Variants in SAXO1 observed in about 807,000 individuals in gnomAD.
The protein encoded by SAXO1 is stabilizer of axonemal microtubules 1.
A neutral mutation model predicts 17.5 loss-of-function variants in SAXO1; 21 were observed. That is an observed-to-expected ratio of 1.20 (90% CI 0.85 to 1.72). The LOEUF is 1.72. SAXO1 is among the 40% of genes most tolerant of loss of function. The pLI is 0.00. For missense variants in SAXO1, 843 were observed against 596.0 expected (o/e 1.41, Z -4.32); for synonymous variants, 274 against 216.5 (o/e 1.27, Z -2.33).
chr9:19,013,282 C>T (rs1294939280), intron 1 of SAXO1, among the ~76,000 whole-genome samples: 1 of 152,214 alleles, frequency 6.6e-6, no homozygotes. Flanking sequence ...TAAAGATCTT[C>T]ACCACTGCGG....
At position 18,988,567 on chromosome 9, in the gene SAXO1, T is replaced by G. The variant is rs1029922327; in HGVS notation, c.39-37630A>C. Among the ~76,000 whole-genome samples the G allele has an allele frequency of 4.6e-5, 7 of 152,236 alleles. 1 individual carries two copies. Among genetic ancestry groups the G allele is most frequent in the Non-Finnish European group, 2.9e-5 (2 of 68,042 alleles). On this transcript the variant is annotated intron_variant, in intron 1 of 3. Transcript: ENST00000380534. ...AGTTTATTAAGTTCTTTCATATACA[T>G]TAAATCATGGCAAAGCTGTGCATTT...
intron 1 of SAXO1, among the ~76,000 whole-genome samples, chr9:19,047,822 G>A (rs1483645877): frequency 6.6e-6 from 1 of 152,060 alleles, no homozygotes; most frequent in Admixed American, 6.6e-5. Context: ...GGAAACTATT[G>A]GAACATGTGT....
At chr9:18,981,423 G>A (rs2131820868) in intron 1 of SAXO1, among the ~76,000 whole-genome samples, 1 of 152,234 alleles carries the variant, frequency 6.6e-6, no homozygotes, top group South Asian at 2.1e-4. Context: ...TAGAACTCAG[G>A]CTTCCTCCTG....
At chr9:19,036,036 A>C (rs1208028397), upstream of SAXO1, among the ~76,000 whole-genome samples, 1 of 150,002 alleles carries the variant, frequency 6.7e-6, no homozygotes, top group South Asian at 2.2e-4. Flanking sequence ...GTTCTCACTC[A>C]TAAGTGGGAG....
chr9:18,995,616 G>C (rs1450613853), intron 1 of SAXO1, among the ~76,000 whole-genome samples: 3 of 152,082 alleles, frequency 2.0e-5, no homozygotes, highest in Admixed American at 1.3e-4. Context: ...GTCACTTCCA[G>C]GGACAAAGTC....
intron 1 of SAXO1, among the ~76,000 whole-genome samples, chr9:19,031,803 C>G (rs1233869482): frequency 6.6e-6 from 1 of 152,132 alleles, no homozygotes; most frequent in African/African-American, 2.4e-5. Context: ...TTCAAACTCC[C>G]TGTGTGATTC....
intron 1 of SAXO1, chr9:19,028,219 T>A (rs1835594281): frequency 9.4e-6 from 9 of 960,430 alleles, no homozygotes; most frequent in South Asian, 7.8e-5. Flanking sequence ...ACAAAAAAAA[T>A]ACAAAAATTA....
intron 1 of SAXO1, among the ~76,000 whole-genome samples, chr9:18,987,826 G>C (rs901752184): frequency 6.6e-6 from 1 of 151,928 alleles, no homozygotes; most frequent in Non-Finnish European, 1.5e-5. Flanking sequence ...GGGCCTAGGA[G>C]GTTAAGGCTG....
At chr9:19,009,152 A>C (rs1253720077) in intron 1 of SAXO1, among the ~76,000 whole-genome samples, 1 of 152,220 alleles carries the variant, frequency 6.6e-6, no homozygotes, top group Admixed American at 6.5e-5. Context: ...TGTTCATGGA[A>C]TAAAAACTAT....
chr9:19,015,552 C>T (rs949660955), intron 1 of SAXO1, among the ~76,000 whole-genome samples: 5 of 151,978 alleles, frequency 3.3e-5, no homozygotes, highest in African/African-American at 1.2e-4. Flanking sequence ...CCACGTTGGC[C>T]AAGCTGGTCT....
At position 18,961,332 on chromosome 9, in the gene SAXO1, G is replaced by A. The variant is rs540905320; in HGVS notation, c.39-10395C>T. 1.5e-4 allele frequency among the ~76,000 whole-genome samples: 23 copies of A among 151,784 alleles called. No homozygotes were observed. The East Asian group carries it at 4.3e-3, about 28-fold the overall frequency. On this transcript the variant is annotated intron_variant, in intron 1 of 3. Transcript: ENST00000380534. Reference sequence around the variant, plus strand: ...ACCACAGGCATGTGCCACCACGCCTGGCTAATTGTTTTTTGTTTTATTATA... The same window carrying A: ...ACCACAGGCATGTGCCACCACGCCTAGCTAATTGTTTTTTGTTTTATTATA...
intron 1 of SAXO1, among the ~76,000 whole-genome samples, chr9:19,018,822 T>C (rs1043822968): frequency 6.6e-6 from 1 of 152,166 alleles, no homozygotes; most frequent in African/African-American, 2.4e-5. Context: ...CTTAAGAACC[T>C]TCTTATGCCG....
intron 2 of SAXO1, among the ~76,000 whole-genome samples, chr9:18,949,091 A>G (rs1006355482): frequency 1.9e-4 from 29 of 152,316 alleles, no homozygotes; most frequent in African/African-American, 5.8e-4. Context: ...GACAAAGAAT[A>G]CTGTTTTCCC....
At chr9:18,968,623 C>A (rs1042144781) in intron 1 of SAXO1, among the ~76,000 whole-genome samples, 1 of 146,296 alleles carries the variant, frequency 6.8e-6, no homozygotes, top group African/African-American at 2.7e-5. Context: ...GACGCAGTTT[C>A]ACTCTTGTTG....
chr9:18,933,410 G>C (rs919729757), intron 3 of SAXO1, among the ~76,000 whole-genome samples: 1 of 150,514 alleles, frequency 6.6e-6, no homozygotes, highest in African/African-American at 2.4e-5. Flanking sequence ...TGAATTAAAA[G>C]AAAAAAATAT....
At chr9:19,044,051 A>C (rs1836144237) in intron 1 of SAXO1, among the ~76,000 whole-genome samples, 1 of 151,764 alleles carries the variant, frequency 6.6e-6, no homozygotes, top group South Asian at 2.1e-4. Context: ...AGGCTGAGGC[A>C]GGAGAATCAC....
chr9:18,965,156 G>T (rs1055160438), intron 1 of SAXO1, among the ~76,000 whole-genome samples: 1 of 152,192 alleles, frequency 6.6e-6, no homozygotes, highest in African/African-American at 2.4e-5. Context: ...TGCATTTGCT[G>T]AGAAGTGTTT....
At chr9:18,949,875 T>C (rs1347283825) in intron 2 of SAXO1, among the ~76,000 whole-genome samples, 1 of 152,142 alleles carries the variant, frequency 6.6e-6, no homozygotes, top group Non-Finnish European at 1.5e-5. Context: ...ACATTCACCA[T>C]CATCTCCACC....
At chr9:19,014,785 T>G (rs1455947537) in intron 1 of SAXO1, among the ~76,000 whole-genome samples, 1 of 152,158 alleles carries the variant, frequency 6.6e-6, no homozygotes, top group Non-Finnish European at 1.5e-5. Flanking sequence ...AACTGAATGT[T>G]GGACAACATC....
Sources: gnomAD v4.1 joint callset for allele counts (sites outside exome capture counted in the v4.1 genomes callset) on GRCh38, gnomAD v4.1.1 for gene constraint, MANE v1.5 for transcripts, NCBI Gene and HGNC (gene_info 2026-07-23, HGNC 2026-07-21) for gene names.